Variants in SNTB1 observed in about 807,000 individuals in gnomAD.
SNTB1 encodes the protein syntrophin beta 1.
Under a neutral mutation model 48.9 loss-of-function variants are expected in SNTB1, and 36 were observed. That is an observed-to-expected ratio of 0.74 (90% CI 0.56 to 0.97). The LOEUF (loss-of-function observed/expected upper bound fraction) is 0.97. Among genes scored for constraint, SNTB1 ranks in the 50% least tolerant of loss-of-function variants. The pLI, the probability that SNTB1 is intolerant of heterozygous loss-of-function variation, is 0.00. For missense variants in SNTB1, 786 were observed against 703.4 expected (o/e 1.12, Z -1.33); for synonymous variants, 299 against 294.6 (o/e 1.01, Z -0.15).
At chr8:120,571,060 C>T (rs941934141) in intron 4 of SNTB1, 2 of 525,674 alleles carry the variant, frequency 3.8e-6, no homozygotes, top group South Asian at 2.7e-5. Context: ...ACTCCTGGCA[C>T]ATAGTAGATG....
intron 1 of SNTB1, among the ~76,000 whole-genome samples, chr8:120,766,786 T>C (rs1469032609): frequency 2.0e-5 from 3 of 152,220 alleles, no homozygotes; most frequent in Admixed American, 2.0e-4. Flanking sequence ...TTTTATGTTT[T>C]AATAGAAAAA....
At chr8:120,627,398 G>C (rs1328448329) in intron 3 of SNTB1, among the ~76,000 whole-genome samples, 1 of 152,104 alleles carries the variant, frequency 6.6e-6, no homozygotes, top group Non-Finnish European at 1.5e-5. Context: ...AGTCTCTGTA[G>C]GACCTGTTCT....
chr8:120,700,110 G>A lies in SNTB1; in HGVS notation c.572-6202C>T, dbSNP rs116048972. Among the ~76,000 whole-genome samples the A allele has an allele frequency of 8.0e-3, 1,212 of 152,024 alleles. 15 individuals carry two copies. The highest frequency in any genetic ancestry group is 0.028 in the African/African-American group (1,173 of 41,440). On this transcript the variant is annotated intron_variant, in intron 1 of 6. Coordinates refer to ENST00000517992, the MANE Select transcript of SNTB1 (RefSeq NM_021021.4). ...GGGTAGACTGGCTCTACAGTCCTTA[G>A]GTTCAACCAGGAAGCAATACTGATT...
chr8:120,743,301 C>A (rs911045099), intron 1 of SNTB1, among the ~76,000 whole-genome samples: 2 of 152,166 alleles, frequency 1.3e-5, no homozygotes, highest in Admixed American at 6.5e-5. Flanking sequence ...GTTTTATTAT[C>A]ATTTGGGGTC....
At position 120,711,550 on chromosome 8, in the gene SNTB1, G is replaced by T. The variant is rs564313756; in HGVS notation, c.572-17642C>A. On this transcript the variant is annotated intron_variant, in intron 1 of 6. Coordinates refer to ENST00000517992, the MANE Select transcript of SNTB1 (RefSeq NM_021021.4). Reference sequence around the variant, plus strand: ...GTGTAAACAAACAGTAGCTGTGCAGGCCGTCAGGTGTTTTGCACCAAAGAA... The same window carrying T: ...GTGTAAACAAACAGTAGCTGTGCAGTCCGTCAGGTGTTTTGCACCAAAGAA... Among the ~76,000 whole-genome samples the T allele has an allele frequency of 2.6e-5, 4 of 152,288 alleles. No homozygotes were observed. In the South Asian group the frequency reaches 8.3e-4, roughly 32 times the overall value.
intron 4 of SNTB1, among the ~76,000 whole-genome samples, chr8:120,573,103 T>C (rs746715433): frequency 2.6e-5 from 4 of 152,256 alleles, no homozygotes; most frequent in Non-Finnish European, 5.9e-5. Flanking sequence ...ATCTCCATAC[T>C]GTTTTCCAGA....
chr8:120,793,785 T>G (rs1460049819), intron 1 of SNTB1, among the ~76,000 whole-genome samples: 5 of 152,066 alleles, frequency 3.3e-5, no homozygotes, highest in African/African-American at 9.7e-5. Flanking sequence ...TAGAACACAT[T>G]AACAATTAAA....
chr8:120,607,530 A>G (rs1445670986), intron 3 of SNTB1, among the ~76,000 whole-genome samples: 6 of 152,170 alleles, frequency 3.9e-5, no homozygotes, highest in African/African-American at 9.7e-5. Flanking sequence ...AACATTAGGT[A>G]TATCTTCTAA....
intron 1 of SNTB1, among the ~76,000 whole-genome samples, chr8:120,807,025 G>A (rs887278776): frequency 6.6e-6 from 1 of 152,090 alleles, no homozygotes; most frequent in Non-Finnish European, 1.5e-5. Context: ...AAGCTCTAAC[G>A]GACAGGGTTA....
chr8:120,592,417 G>A (rs1400314348), intron 3 of SNTB1, among the ~76,000 whole-genome samples: 1 of 151,634 alleles, frequency 6.6e-6, no homozygotes, highest in African/African-American at 2.4e-5. Context: ...TCGAACTCCT[G>A]GCCTCCAGCA....
At position 120,565,946 on chromosome 8, in the gene SNTB1, C is replaced by T. The variant is rs746682859; in HGVS notation, c.1136+9140G>A. Among the ~76,000 whole-genome samples the T allele has an allele frequency of 6.6e-5, 10 of 152,204 alleles. No homozygotes were observed. In the South Asian group the frequency reaches 8.3e-4, roughly 13 times the overall value. On this transcript the variant is annotated intron_variant, in intron 4 of 6. Coordinates refer to ENST00000517992, the MANE Select transcript of SNTB1 (RefSeq NM_021021.4). The stretch of plus-strand genomic sequence containing the variant: ...TTGGGGAGCCAGGTGTGGTGGCTCA[C>T]GCCTGTAATCTCAGCACTTTGGGAG...
chr8:120,760,336 G>A (rs1220858074), intron 1 of SNTB1, among the ~76,000 whole-genome samples: 1 of 149,728 alleles, frequency 6.7e-6, no homozygotes, highest in Non-Finnish European at 1.5e-5. Flanking sequence ...ACAATTCTTA[G>A]GTCTATCAGA....
intron 1 of SNTB1, among the ~76,000 whole-genome samples, chr8:120,764,984 A>C (rs547505146): frequency 1.3e-5 from 2 of 152,208 alleles, no homozygotes; most frequent in Admixed American, 1.3e-4. Context: ...CTAGCACTCC[A>C]GGAGGCCGAG....
At chr8:120,724,067 C>T (rs1282505165) in intron 1 of SNTB1, among the ~76,000 whole-genome samples, 1 of 152,190 alleles carries the variant, frequency 6.6e-6, no homozygotes, top group East Asian at 1.9e-4. Context: ...TCAGGCTCTG[C>T]CAAGATCTTT....
At chr8:120,802,783 C>T (rs57356692) in intron 1 of SNTB1, among the ~76,000 whole-genome samples, 17,501 of 151,980 alleles carry the variant, frequency 0.12, 1,444 homozygotes, top group African/African-American at 0.23. Context: ...TTAGGACTTA[C>T]CAAATTCCGG....
At chr8:120,591,992 G>A (rs1816246569) in intron 3 of SNTB1, among the ~76,000 whole-genome samples, 2 of 152,132 alleles carry the variant, frequency 1.3e-5, no homozygotes, top group Admixed American at 1.3e-4. Flanking sequence ...GGAATAGTAA[G>A]GGTCAAACTT....
intron 3 of SNTB1, among the ~76,000 whole-genome samples, chr8:120,624,228 G>A (rs558578977): frequency 1.1e-4 from 16 of 152,196 alleles, no homozygotes; most frequent in African/African-American, 3.9e-4. Flanking sequence ...ATGAACCACC[G>A]CACCTGCCCG....
rs539596541 is a variant in SNTB1, at chr8:120,537,071, G to A, written c.*1806C>T. Reference sequence around the variant, plus strand: ...TTCTATGGTATTCAAACTGGGACTTGACTTTTCAGCATTTGAAAATAGAAA... The same window carrying A: ...TTCTATGGTATTCAAACTGGGACTTAACTTTTCAGCATTTGAAAATAGAAA... On this transcript the variant is annotated 3_prime_UTR_variant, in exon 7 of 7. Transcript: ENST00000517992. 1 of 151,432 alleles carries A rather than the reference G, an allele frequency of 6.6e-6. No homozygotes were observed. The highest frequency in any genetic ancestry group is 2.1e-4 in the South Asian group (1 of 4,788). The allele number at this position is 151,432 out of a possible 1,614,324, so 9.4% of individuals were successfully genotyped here. A position where few individuals can be genotyped will look rare whatever the true frequency, so the allele number is the denominator to read the frequency against.
chr8:120,645,517 A>G (rs1159966476), intron 2 of SNTB1, among the ~76,000 whole-genome samples: 4 of 151,188 alleles, frequency 2.6e-5, no homozygotes, highest in Non-Finnish European at 5.9e-5. Context: ...TGTTCCATTG[A>G]TCTATATCTC....
Sources: gnomAD v4.1 joint callset for allele counts (sites outside exome capture counted in the v4.1 genomes callset) on GRCh38, gnomAD v4.1.1 for gene constraint, MANE v1.5 for transcripts, NCBI Gene and HGNC (gene_info 2026-07-23, HGNC 2026-07-21) for gene names.